The following CCAR2 variants were observed in gnomAD, a reference collection of about 807,000 sequenced individuals.
The protein encoded by CCAR2 is cell cycle and apoptosis regulator protein 2.
A neutral mutation model predicts 108.1 loss-of-function variants in CCAR2; 21 were observed. The ratio of observed to expected loss-of-function variants is 0.19; its 90% confidence interval spans 0.14 to 0.28. The LOEUF (loss-of-function observed/expected upper bound fraction) is 0.28, where lower values mean the gene tolerates loss of function less well. Ranked by LOEUF, CCAR2 falls within the 10% of genes least tolerant of loss-of-function variation. CCAR2 has a pLI of 1.00. For synonymous variants in CCAR2, 577 were observed against 472.8 expected, an observed-to-expected ratio of 1.22 and a Z score of -2.86; for missense variants, 1,126 against 1,177.0, an observed-to-expected ratio of 0.96 and a Z score of 0.63.
downstream of CCAR2, chr8:22,620,485 C>T (rs1801744183): frequency 6.9e-6 from 1 of 145,248 alleles, no homozygotes; most frequent in African/African-American, 2.5e-5. Context: ...AGAGTGTGTC[C>T]TCCACAGCTC....
rs1373481071 is a variant in CCAR2, at chr8:22,617,740, A to G, written c.2035A>G (p.Asn679Asp). ...EDSEVRSVAS[N>D]QSEMEFSSLQ... Reference sequence around the variant, plus strand: ...TTCGGAGGTCCGGTCCGTTGCCTCAAACCAGTCAGAGATGGAGTTCTCTTC... The same window carrying G: ...TTCGGAGGTCCGGTCCGTTGCCTCAGACCAGTCAGAGATGGAGTTCTCTTC... Residue 679 changes from asparagine to aspartate, a missense_variant, in exon 16 of 21, where the codon AAC becomes GAC. Physicochemically the swap from Asn to Asp is conservative, Grantham distance 23. Transcript: ENST00000308511. 1.2e-6 allele frequency: 2 copies of G among 1,614,086 alleles called. No homozygotes were observed. The highest frequency in any genetic ancestry group is 8.5e-7 in the Non-Finnish European group (1 of 1,180,030).
At chr8:22,606,553 T>G in intron 3 of CCAR2, 54 bp from the exon 4 acceptor site, 1 of 1,423,888 alleles carries the variant, frequency 7.0e-7, no homozygotes, top group Non-Finnish European at 9.9e-7. Context: ...TGGCAGAGTG[T>G]GATTTTGTCC....
chr8:22,607,606 T>C (rs1205107579), intron 6 of CCAR2, among the ~76,000 whole-genome samples: 1 of 151,954 alleles, frequency 6.6e-6, no homozygotes, highest in Non-Finnish European at 1.5e-5. Flanking sequence ...TAGCTGGGAT[T>C]ACAGGCGCCC....
At position 22,615,530 on chromosome 8, in the gene CCAR2, G is replaced by T. The variant is rs760383790; in HGVS notation, c.1311G>T (p.Glu437Asp). 1 of 1,614,026 alleles carries T rather than the reference G, an allele frequency of 6.2e-7. No homozygotes were observed. Among genetic ancestry groups the T allele is most frequent in the Admixed American group, 1.7e-5 (1 of 60,030 alleles). ...TCTGGACCATCATGCCTACTTTGGAGGAGTGGGAGGCCCTGTGCCAGCAGA... is the reference window on the plus strand; with the variant it reads ...TCTGGACCATCATGCCTACTTTGGATGAGTGGGAGGCCCTGTGCCAGCAGA... Reference protein sequence around the residue: ...PDVWTIMPTLEEWEALCQQKA... With the variant: ...PDVWTIMPTLDEWEALCQQKA... Residue 437 changes from glutamate to aspartate, a missense_variant, in exon 12 of 21, where the codon GAG becomes GAT. Transcript: ENST00000308511.
intron 8 of CCAR2, chr8:22,613,842 A>G (rs1801391551): frequency 2.0e-6 from 1 of 489,580 alleles, no homozygotes. Flanking sequence ...GTTCCTTTAT[A>G]TTAAGGCAAT....
chr8:22,607,474 T>TTTC (rs1801120460), intron 6 of CCAR2, 149 bp downstream of exon 6: 1 of 889,516 alleles, frequency 1.1e-6, no homozygotes, highest in Non-Finnish European at 1.6e-6. Context: ...AGGGTTTTTT[T>TTTC]TTTTTTTTTT....
chr8:22,613,895 C>A lies in CCAR2; in HGVS notation c.705-197C>A, dbSNP rs568995991. On this transcript the variant is annotated intron_variant, in intron 8 of 20. Coordinates refer to ENST00000308511, the MANE Select transcript of CCAR2 (RefSeq NM_001393997.1). ...TGTGTTATAAGTGTTTTCTTTTTTC[C>A]CTTTCCCAGTTTGACTTTTGCCATC... 2.1e-5 allele frequency: 12 copies of A among 584,172 alleles called. No homozygotes were observed. The South Asian group carries it at 2.2e-4, about 11-fold the overall frequency. The allele number at this position is 584,172 out of a possible 1,614,324, so 36.2% of individuals were successfully genotyped here. A position where few individuals can be genotyped will look rare whatever the true frequency, so the allele number is the denominator to read the frequency against.
At chr8:22,613,745 C>A (rs1421609893) in intron 8 of CCAR2, 8 of 243,366 alleles carry the variant, frequency 3.3e-5, no homozygotes, top group Non-Finnish European at 6.4e-5. Context: ...ATTTTCCTGG[C>A]CTCTAATTCT....
chr8:22,617,751 G>A lies in CCAR2; in HGVS notation c.2046G>A (p.Glu682=), dbSNP rs202191018. The A allele has an allele frequency of 9.5e-5, 153 of 1,613,876 alleles. No individual in the cohort carries two copies. In the Middle Eastern group the frequency reaches 1.0e-3, roughly 11 times the overall value. The change falls in exon 16 of 21, where the codon GAG becomes GAA. Residue 682 remains glutamate (E), a synonymous_variant. Transcript: ENST00000308511. ...GGTCCGTTGCCTCAAACCAGTCAGAGATGGAGTTCTCTTCACTTCAGGACA... is the reference window on the plus strand; with the variant it reads ...GGTCCGTTGCCTCAAACCAGTCAGAAATGGAGTTCTCTTCACTTCAGGACA... The part of the protein sequence containing the change: ...EVRSVASNQS[E]MEFSSLQDMP...
intron 7 of CCAR2, among the ~76,000 whole-genome samples, chr8:22,611,386 A>ATGTGTG (rs200942064): frequency 1.0e-3 from 9 of 9,026 alleles, no homozygotes; most frequent in African/African-American, 1.8e-3. Context: ...AAAAGTATAT[A>ATGTGTG]TATGTGTGTG....
chr8:22,611,205 A>T (rs1801261693), intron 7 of CCAR2, among the ~76,000 whole-genome samples: 1 of 151,878 alleles, frequency 6.6e-6, no homozygotes, highest in Admixed American at 6.6e-5. Flanking sequence ...TACTAAAAAT[A>T]CAAAAATTAG....
At chr8:22,616,649 C>A (rs1299936616) in intron 14 of CCAR2, 1 of 188,006 alleles carries the variant, frequency 5.3e-6, no homozygotes, top group African/African-American at 2.3e-5. Context: ...AACGCCGTCT[C>A]TACTAAAAAT....
At chr8:22,606,047 A>G in intron 2 of CCAR2, 38 bp from the exon 3 acceptor site, 1 of 1,559,262 alleles carries the variant, frequency 6.4e-7, no homozygotes, top group Non-Finnish European at 8.8e-7. Flanking sequence ...TTAAGGTGGT[A>G]GGGGCGGTTC....
At chr8:22,621,495 T>G, downstream of CCAR2, 7 of 1,613,978 alleles carry the variant, frequency 4.3e-6, no homozygotes, top group Non-Finnish European at 5.9e-6. Context: ...CCGCTGCTCA[T>G]CGGAGTGGCC....
rs571727372 is a variant in CCAR2, at chr8:22,616,309, G to C, written c.1845+61G>C. 3.3e-6 allele frequency: 5 copies of C among 1,520,596 alleles called. No individual in the cohort carries two copies. In the African/African-American group the frequency reaches 5.5e-5, roughly 17 times the overall value. 94.2% of individuals were successfully genotyped at this position (1,520,596 alleles called of 1,614,324 possible). A position where few individuals can be genotyped will look rare whatever the true frequency, so the allele number is the denominator to read the frequency against. On this transcript the variant is annotated intron_variant, in intron 14 of 20. Coordinates refer to ENST00000308511, the MANE Select transcript of CCAR2 (RefSeq NM_001393997.1). ...TACCGTGACCGCGCACCTTTACCCC[G>C]GGCTCTGTTCCGAGCGCTTCCTGTG...
intron 14 of CCAR2, among the ~76,000 whole-genome samples, chr8:22,616,885 TTTTTTTTTTTTG>T (rs1318149774): frequency 1.1e-3 from 73 of 64,758 alleles, no homozygotes; most frequent in African/African-American, 5.3e-3. Flanking sequence ...TTTTTTTTTT[TTTTTTTTTTTTG>T]GGGAGATGGA....
downstream of CCAR2, chr8:22,621,434 C>T (rs752169219): frequency 3.1e-6 from 5 of 1,613,292 alleles, no homozygotes; most frequent in Non-Finnish European, 4.2e-6. Flanking sequence ...AGTCATCGGC[C>T]ACAATGGAGA....
rs1801479528 is a variant in CCAR2 at position 22,615,775 on chromosome 8, C to CAGG, written c.1473_1475dup (p.Glu492dup). On this transcript the variant is annotated inframe_insertion, in exon 13 of 21. Coordinates refer to ENST00000308511, the MANE Select transcript of CCAR2 (RefSeq NM_001393997.1). ...AGAAACTCCAGAGGCCACCACACAG[C>CAGG]AGGAAACGGACACTGATCTCCCAGA... 5.6e-6 allele frequency: 9 copies of CAGG among 1,613,844 alleles called. No individual in the cohort carries two copies. Among genetic ancestry groups the CAGG allele is most frequent in the South Asian group, 1.1e-5 (1 of 91,088 alleles).
intron 7 of CCAR2, among the ~76,000 whole-genome samples, chr8:22,611,404 G>GTGTGTGTGTGTGTGTGTGTGTGTGTGTA (rs1427803187): frequency 1.9e-5 from 2 of 105,254 alleles, no homozygotes; most frequent in African/African-American, 6.9e-5. Context: ...GTGTGTGTGT[G>GTGTGTGTGTGTGTGTGTGTGTGTGTGTA]TATGTGTGTG....
Sources: gnomAD v4.1 joint callset for allele counts (sites outside exome capture counted in the v4.1 genomes callset) on GRCh38, gnomAD v4.1.1 for gene constraint, MANE v1.5 for transcripts, NCBI Gene and HGNC (gene_info 2026-07-23, HGNC 2026-07-21) for gene names.